The following DAAM2 variants were observed in gnomAD, a reference collection of about 807,000 sequenced individuals.
DAAM2 encodes dishevelled associated activator of morphogenesis 2.
DAAM2 carries 39 observed loss-of-function variants against 120.7 expected under a neutral mutation model. The ratio of observed to expected loss-of-function variants is 0.32; its 90% CI spans 0.25 to 0.42. The LOEUF (loss-of-function observed/expected upper bound fraction) is 0.42, where lower values mean the gene tolerates loss of function less well. Ranked by LOEUF, DAAM2 falls within the 10% of genes least tolerant of loss-of-function variation. DAAM2 has a pLI of 1.00. For missense variants in DAAM2, 1,283 were observed against 1,401.7 expected (o/e 0.92, Z 1.35); for synonymous variants, 488 against 524.9 (o/e 0.93, Z 0.96).
intron 1 of DAAM2, among the ~76,000 whole-genome samples, chr6:39,845,102 C>A (rs1763512078): frequency 6.7e-6 from 1 of 149,054 alleles, no homozygotes; most frequent in Non-Finnish European, 1.5e-5. Flanking sequence ...ATATACCATA[C>A]ACACATACCA....
At chr6:39,844,570 G>T (rs1294442011) in intron 1 of DAAM2, among the ~76,000 whole-genome samples, 1 of 152,166 alleles carries the variant, frequency 6.6e-6, no homozygotes, top group Non-Finnish European at 1.5e-5. Flanking sequence ...TCAGTCTCCG[G>T]TCTATGGCGG....
At chr6:39,801,650 C>T (rs1053943309) in intron 1 of DAAM2, among the ~76,000 whole-genome samples, 1 of 152,190 alleles carries the variant, frequency 6.6e-6, no homozygotes, top group Non-Finnish European at 1.5e-5. Flanking sequence ...CAAGCACAGG[C>T]GGTCTTTGGT....
chr6:39,809,814 A>C (rs934162860), intron 1 of DAAM2, among the ~76,000 whole-genome samples: 5 of 152,234 alleles, frequency 3.3e-5, no homozygotes, highest in African/African-American at 1.2e-4. Context: ...ATGGAACAGA[A>C]ACCTGGCTAG....
rs549672230 is a variant in DAAM2, at chr6:39,813,215, A to T, written c.-57+20750A>T. 3.9e-5 allele frequency among the ~76,000 whole-genome samples: 6 copies of T among 152,084 alleles called. No individual in the cohort carries two copies. The South Asian group carries it at 1.2e-3, about 32-fold the overall frequency. ...ACACAGTTCTCCTCACCTACAGGCC[A>T]CTTTCTGTGCAGTTCCTTTTGGCAT... On this transcript the variant is annotated intron_variant, in intron 1 of 24. Coordinates refer to ENST00000274867, the MANE Select transcript of DAAM2 (RefSeq NM_001201427.2).
intron 1 of DAAM2, among the ~76,000 whole-genome samples, chr6:39,801,608 C>A (rs899512563): frequency 1.3e-5 from 2 of 152,212 alleles, no homozygotes; most frequent in African/African-American, 4.8e-5. Context: ...CTGATTCCTC[C>A]TGATGGGTGT....
At chr6:39,886,677 G>A (rs943011210) in intron 15 of DAAM2, 5 of 386,354 alleles carry the variant, frequency 1.3e-5, no homozygotes, top group South Asian at 1.4e-4. Context: ...CTGGAATGAG[G>A]AGAAGGCTTC....
At chr6:39,799,825 C>T (rs1761807570) in intron 1 of DAAM2, among the ~76,000 whole-genome samples, 1 of 152,212 alleles carries the variant, frequency 6.6e-6, no homozygotes, top group Non-Finnish European at 1.5e-5. Context: ...CCCCCTTCTA[C>T]ACCCTGGTAA....
Position 39,878,412 on chromosome 6 carries a change from G to A in DAAM2, c.1369G>A (p.Glu457Lys), listed in dbSNP as rs1464984326. ...QAEKFRKEHM[E>K]LVSRLERKER... ...TCCCACCCCCATTCCAGAACACATG[G>A]AGCTTGTGAGCCGTCTGGAGAGGAA... Residue 457 changes from glutamate to lysine, a missense_variant, in exon 13 of 25, where the codon GAG (glutamate) becomes AAG (lysine). Glu to Lys is a moderately conservative substitution (Grantham distance 56, BLOSUM62 1). Coordinates refer to ENST00000274867, the MANE Select transcript of DAAM2 (RefSeq NM_001201427.2). The surrounding 1 kb of genome is among the most constrained non-coding windows in gnomAD (Gnocchi z 5.0). 2.5e-6 allele frequency: 4 copies of A among 1,611,984 alleles called. No individual in the cohort carries two copies. The highest frequency in any genetic ancestry group is 3.3e-5 in the Admixed American group (2 of 59,718).
At position 39,864,521 on chromosome 6, in the gene DAAM2, C is replaced by T; in HGVS notation, c.333+14C>T. On this transcript the variant is annotated intron_variant, in intron 4 of 24. Coordinates refer to ENST00000274867, the MANE Select transcript of DAAM2 (RefSeq NM_001201427.2). ...TCCATGGCTGCGGTGAGTGGCTGCCCCTCTCCTGCCCTGCCCCCACCTGGA... is the reference window on the plus strand; with the variant it reads ...TCCATGGCTGCGGTGAGTGGCTGCCTCTCTCCTGCCCTGCCCCCACCTGGA... 6.3e-7 allele frequency: 1 copy of T among 1,598,716 alleles called. No homozygotes were observed. The highest frequency in any genetic ancestry group is 8.5e-7 in the Non-Finnish European group (1 of 1,172,588).
chr6:39,843,177 G>A (rs1763419237), intron 1 of DAAM2, among the ~76,000 whole-genome samples: 1 of 152,122 alleles, frequency 6.6e-6, no homozygotes, highest in Non-Finnish European at 1.5e-5. Flanking sequence ...TGTGTGTATG[G>A]AAAGAGCACT....
intron 17 of DAAM2, among the ~76,000 whole-genome samples, chr6:39,890,109 CAG>C (rs1335985680): frequency 6.7e-6 from 1 of 149,306 alleles, no homozygotes; most frequent in African/African-American, 2.5e-5. Context: ...GCCTGGGCAA[CAG>C]AGTGAGACTC....
intron 1 of DAAM2, chr6:39,819,526 C>T (rs951786178): frequency 1.3e-5 from 2 of 152,218 alleles, no homozygotes; most frequent in Non-Finnish European, 2.9e-5. Context: ...GAATTACTAT[C>T]ATGAGCTGCC....
At chr6:39,851,597 G>C (rs938041235) in intron 1 of DAAM2, among the ~76,000 whole-genome samples, 2 of 152,188 alleles carry the variant, frequency 1.3e-5, no homozygotes, top group African/African-American at 2.4e-5. Context: ...AGTGGCTAGG[G>C]GTTAGGGTTT....
At chr6:39,832,450 A>G (rs1390944726) in intron 1 of DAAM2, among the ~76,000 whole-genome samples, 1 of 152,178 alleles carries the variant, frequency 6.6e-6, no homozygotes, top group African/African-American at 2.4e-5. Flanking sequence ...ATGACATAAT[A>G]GCAGCTCATA....
chr6:39,804,786 A>G (rs1307044917), intron 1 of DAAM2, among the ~76,000 whole-genome samples: 1 of 152,172 alleles, frequency 6.6e-6, no homozygotes, highest in Non-Finnish European at 1.5e-5. Flanking sequence ...CGGAAGGTGT[A>G]AAGTATATGA....
chr6:39,824,802 A>G (rs996240988), intron 1 of DAAM2, among the ~76,000 whole-genome samples: 3 of 152,208 alleles, frequency 2.0e-5, no homozygotes, highest in African/African-American at 7.2e-5. Context: ...GGTCCAGAGC[A>G]TGGAATTTCT....
chr6:39,880,319 A>G (rs1175110823), intron 14 of DAAM2, among the ~76,000 whole-genome samples: 1 of 152,194 alleles, frequency 6.6e-6, no homozygotes, highest in African/African-American at 2.4e-5. Context: ...TAACTGTACC[A>G]TGTGTTTGAG....
intron 1 of DAAM2, among the ~76,000 whole-genome samples, chr6:39,833,337 C>T (rs1343781433): frequency 6.6e-6 from 1 of 151,792 alleles, no homozygotes; most frequent in Non-Finnish European, 1.5e-5. Flanking sequence ...GGGAGTCTCG[C>T]TCTGTCGCCC....
At chr6:39,876,034 C>T (rs1764855149) in intron 11 of DAAM2, among the ~76,000 whole-genome samples, 1 of 152,136 alleles carries the variant, frequency 6.6e-6, no homozygotes, top group South Asian at 2.1e-4. Flanking sequence ...TTTACTCTGG[C>T]CCTTTATAGA....
Sources: gnomAD v4.1 joint callset for allele counts (sites outside exome capture counted in the v4.1 genomes callset) on GRCh38, gnomAD v4.1.1 for gene constraint, Gnocchi (gnomAD v3.1) non-coding constraint, MANE v1.5 for transcripts, NCBI Gene and HGNC (gene_info 2026-07-23, HGNC 2026-07-21) for gene names.